KIF27: variants seen among roughly 807,000 people sequenced by gnomAD.
KIF27 encodes kinesin-like protein KIF27.
In KIF27, 84 loss-of-function variants were observed where a neutral mutation model predicts 141.8. That is an observed-to-expected ratio of 0.59 (90% CI 0.50 to 0.71). KIF27 has a LOEUF of 0.71. Among genes scored for constraint, KIF27 ranks in the 30% least tolerant of loss-of-function variants. The pLI is 0.00. For missense variants in KIF27, 1,306 were observed against 1,628.4 expected, an observed-to-expected ratio of 0.80 and a Z score of 3.41; for synonymous variants, 471 against 569.5, an observed-to-expected ratio of 0.83 and a Z score of 2.46.
chr9:83,871,003 T>C (rs1200735536), intron 11 of KIF27, among the ~76,000 whole-genome samples: 1 of 152,130 alleles, frequency 6.6e-6, no homozygotes, highest in South Asian at 2.1e-4. Flanking sequence ...CTCAAGCTCC[T>C]GGGCTCAAGT....
At chr9:83,902,985 T>C in intron 4 of KIF27, 75 bp downstream of exon 4, 2 of 888,130 alleles carry the variant, frequency 2.3e-6, no homozygotes, top group Admixed American at 2.7e-5. Context: ...TGTTAACACA[T>C]GTACCCCCAA....
At chr9:83,865,550 G>T (rs893769067) in intron 13 of KIF27, among the ~76,000 whole-genome samples, 8 of 152,136 alleles carry the variant, frequency 5.3e-5, no homozygotes, top group Admixed American at 6.5e-5. Context: ...GCCCGCCTTG[G>T]CCTCCCAAAG....
rs1564248159 is a variant in KIF27 at position 83,835,696 on chromosome 9, A to G, written c.*1305T>C. ...ATCCACAGCAACAGAGGAAAGGACA[A>G]AAGGAAAAGGTCTGTAGCAGCACTA... On this transcript the variant is annotated 3_prime_UTR_variant, in exon 18 of 18. Coordinates refer to ENST00000297814, the MANE Select transcript of KIF27 (RefSeq NM_017576.4). 1 of 152,156 alleles carries G rather than the reference A, an allele frequency of 6.6e-6. No homozygotes were observed. Among genetic ancestry groups the G allele is most frequent in the African/African-American group, 2.4e-5 (1 of 41,428 alleles). 9.4% of individuals were successfully genotyped at this position (152,156 alleles called of 1,614,324 possible).
chr9:83,850,828 TTC>T (rs1948478234), intron 15 of KIF27, among the ~76,000 whole-genome samples: 4 of 146,400 alleles, frequency 2.7e-5, no homozygotes, highest in African/African-American at 7.7e-5. Flanking sequence ...TGATGACATT[TTC>T]TTTTTTTTTT....
intron 10 of KIF27, among the ~76,000 whole-genome samples, chr9:83,882,928 A>T (rs1182742366): frequency 1.3e-5 from 2 of 152,176 alleles, no homozygotes; most frequent in African/African-American, 4.8e-5. Context: ...AAATATCCAG[A>T]TGTTTGAGGT....
At chr9:83,904,938 A>G (rs1344307894) in intron 3 of KIF27, among the ~76,000 whole-genome samples, 1 of 151,866 alleles carries the variant, frequency 6.6e-6, no homozygotes, top group East Asian at 1.9e-4. Flanking sequence ...AAAAACAGGT[A>G]TCTGTTTACC....
At chr9:83,895,194 A>G (rs1355619957) in intron 5 of KIF27, among the ~76,000 whole-genome samples, 1 of 150,320 alleles carries the variant, frequency 6.7e-6, no homozygotes, top group Non-Finnish European at 1.5e-5. Context: ...CCCAGGAGGC[A>G]GAGCTTGCAG....
intron 5 of KIF27, among the ~76,000 whole-genome samples, chr9:83,895,836 T>C (rs765663667): frequency 2.0e-5 from 3 of 151,856 alleles, no homozygotes; most frequent in Non-Finnish European, 2.9e-5. Context: ...GGCAGGTAGA[T>C]CATTTGAGGT....
intron 10 of KIF27, among the ~76,000 whole-genome samples, chr9:83,882,178 T>C (rs1027021234): frequency 1.3e-5 from 2 of 152,034 alleles, no homozygotes; most frequent in Non-Finnish European, 2.9e-5. Flanking sequence ...GCCTGTCCAA[T>C]GTGGTGAAAC....
intron 12 of KIF27, among the ~76,000 whole-genome samples, chr9:83,869,722 G>A (rs1294747992): frequency 6.6e-6 from 1 of 151,962 alleles, no homozygotes. Flanking sequence ...GCGAGACTCT[G>A]TCTCAAAAAA....
intron 15 of KIF27, among the ~76,000 whole-genome samples, chr9:83,850,822 G>A (rs1948475741): frequency 1.5e-5 from 2 of 137,868 alleles, no homozygotes; most frequent in East Asian, 4.3e-4. Flanking sequence ...CTGAATTGAT[G>A]ACATTTTCTT....
intron 16 of KIF27, among the ~76,000 whole-genome samples, chr9:83,846,990 A>G (rs1361700421): frequency 6.6e-6 from 1 of 152,202 alleles, no homozygotes; most frequent in Non-Finnish European, 1.5e-5. Flanking sequence ...CAAGAAATAC[A>G]GGAGATCCAT....
At chr9:83,861,212 G>A (rs1381643252) in intron 13 of KIF27, among the ~76,000 whole-genome samples, 1 of 150,740 alleles carries the variant, frequency 6.6e-6, no homozygotes, top group Non-Finnish European at 1.5e-5. Context: ...TAAGTTCTAG[G>A]GTACATGTGC....
rs771248074 is a variant in KIF27, at chr9:83,837,401, C to G, written c.3806G>C (p.Ser1269Thr). ...EELKWASRPE[S>T]MKLSGREREM... The stretch of plus-strand genomic sequence containing the variant: ...TCTTTCTCTTCCACTTAATTTCATA[C>G]TTTCAGGTCTGGATGCCCATTTTAA... The change falls in exon 18 of 18, where the codon AGT (serine) becomes ACT (threonine). Residue 1269 changes from serine (S) to threonine (T), a missense_variant. By Grantham distance (58) the Ser-to-Thr change is moderately conservative. This residue lies in a region of KIF27 where 148 missense variants were observed against 250.9 expected (regional missense o/e 0.59). Coordinates refer to ENST00000297814, the MANE Select transcript of KIF27 (RefSeq NM_017576.4). 1.4e-5 allele frequency: 22 copies of G among 1,612,286 alleles called. No homozygotes were observed. The highest frequency in any genetic ancestry group is 1.6e-4 in the Middle Eastern group (1 of 6,078).
intron 12 of KIF27, among the ~76,000 whole-genome samples, chr9:83,869,333 G>T (rs1215274273): frequency 6.6e-6 from 1 of 151,842 alleles, no homozygotes; most frequent in Non-Finnish European, 1.5e-5. Context: ...TTAGTTTGTG[G>T]ATTATGACTT....
At chr9:83,884,899 T>C (rs548029699) in intron 9 of KIF27, among the ~76,000 whole-genome samples, 9 of 152,310 alleles carry the variant, frequency 5.9e-5, no homozygotes, top group African/African-American at 2.2e-4. Context: ...CTTTTCTTAT[T>C]AATATATAGA....
In KIF27 at chr9:83,880,488, G is replaced by A. The variant is rs200139828; in HGVS notation, c.2452C>T (p.Gln818Ter). The A allele has an allele frequency of 1.2e-6, 2 of 1,608,116 alleles. No individual in the cohort carries two copies. Among genetic ancestry groups the A allele is most frequent in the Non-Finnish European group, 1.7e-6 (2 of 1,178,250 alleles). The change falls in exon 11 of 18, where the codon CAG becomes TAG. Residue 818 changes from glutamine (Q) to a stop codon, truncating the protein, a stop_gained. Transcript: ENST00000297814. LOFTEE classifies it high-confidence loss of function. The stretch of plus-strand genomic sequence containing the variant: ...TTCTTACTATCTTGTTGCTTCTTCT[G>A]CAAGACCTGAGATCATATGGAATAT... ...DAAKLRVQVL[Q>*]KKQQDSKKLA...
In KIF27 at chr9:83,891,482, T is replaced by C. The variant is rs770892449; in HGVS notation, c.1622A>G (p.Gln541Arg). 3.7e-5 allele frequency: 60 copies of C among 1,611,998 alleles called. 2 individuals carry two copies. In the South Asian group the frequency reaches 6.4e-4, roughly 17 times the overall value. The part of the protein sequence containing the change: ...NRLQNEKIIE[Q>R]QLLVDQLSEE... ...ACTCAGTTGATCCACAAGAAGTTGTTGTTCTATTATTTTTTCATTCTTTGT... is the reference window on the plus strand; with the variant it reads ...ACTCAGTTGATCCACAAGAAGTTGTCGTTCTATTATTTTTTCATTCTTTGT... Residue 541 changes from glutamine to arginine, a missense_variant, in exon 6 of 18, where the codon CAA becomes CGA. Transcript: ENST00000297814.
intron 14 of KIF27, among the ~76,000 whole-genome samples, chr9:83,854,538 TAGGAAAA>T (rs909138470): frequency 1.3e-5 from 2 of 152,214 alleles, no homozygotes; most frequent in African/African-American, 4.8e-5. Flanking sequence ...TGAATCCCTG[TAGGAAAA>T]CCTACAAGTT....
Sources: gnomAD v4.1 joint callset for allele counts (sites outside exome capture counted in the v4.1 genomes callset) on GRCh38, gnomAD v4.1.1 for gene constraint, gnomAD v4.1.1 regional missense constraint, MANE v1.5 for transcripts, NCBI Gene and HGNC (gene_info 2026-07-23, HGNC 2026-07-21) for gene names.